C6orf89: variants seen among roughly 807,000 people sequenced by gnomAD.
C6orf89 encodes the protein bombesin receptor-activated protein C6orf89.
A neutral mutation model predicts 40.7 loss-of-function variants in C6orf89; 29 were observed. The observed-to-expected ratio is 0.71, with a 90% confidence interval of 0.53 to 0.97. The LOEUF is 0.97. Among genes scored for constraint, C6orf89 ranks in the 50% least tolerant of loss-of-function variants. The probability of loss-of-function intolerance (pLI) is 0.00; values close to 1 mark genes in which losing one functional copy is unlikely to be tolerated. For missense variants in C6orf89, 392 were observed against 429.1 expected (o/e 0.91, Z 0.76); for synonymous variants, 165 against 152.2 (o/e 1.08, Z -0.62).
At position 36,911,215 on chromosome 6, in the gene C6orf89, C is replaced by T. The variant is rs148419536; in HGVS notation, c.404-3069C>T. On this transcript the variant is annotated intron_variant, in intron 4 of 8. Transcript: ENST00000480824. ...ATTAAATAAGTTAGGCTGGGCTGGGCGCAGTGGCTCACGCCTGTAATCCCA... is the reference window on the plus strand; with the variant it reads ...ATTAAATAAGTTAGGCTGGGCTGGGTGCAGTGGCTCACGCCTGTAATCCCA... 1.5e-3 allele frequency among the ~76,000 whole-genome samples: 228 copies of T among 152,300 alleles called. 1 individual carries two copies. Among genetic ancestry groups the T allele is most frequent in the African/African-American group, 5.2e-3 (216 of 41,568 alleles).
At chr6:36,916,209 A>G (rs544478268) in intron 6 of C6orf89, among the ~76,000 whole-genome samples, 5 of 152,162 alleles carry the variant, frequency 3.3e-5, no homozygotes, top group Admixed American at 1.3e-4. Flanking sequence ...CAATTTAGAA[A>G]CACTCCACCC....
Position 36,885,974 on chromosome 6 carries a change from C to T in C6orf89, c.-174C>T. 7.9e-7 allele frequency: 1 copy of T among 1,264,796 alleles called. No individual in the cohort carries two copies. Among genetic ancestry groups the T allele is most frequent in the East Asian group, 3.2e-5 (1 of 31,590 alleles). 78.3% of individuals were successfully genotyped at this position (1,264,796 alleles called of 1,614,324 possible). ...AACAGGAAGTTGCCCATCCTCCTCG[C>T]CCGGCGGCAGCTGTCCCCGAGGCGG... is the stretch of plus-strand genomic sequence containing the variant. On this transcript the variant is annotated 5_prime_UTR_variant, in exon 1 of 9. Transcript: ENST00000480824.
At position 36,914,538 on chromosome 6, in the gene C6orf89, T is replaced by C; in HGVS notation, c.556-16T>C. ...GTAACTCTGTGTTGTTTTGTTTTGT[T>C]TCCTGCCTTGCCAAGACGGGAAAGC... On this transcript the variant is annotated splice_polypyrimidine_tract_variant and intron_variant, in intron 5 of 8. Transcript: ENST00000480824. The C allele has an allele frequency of 6.2e-7, 1 of 1,613,780 alleles. No homozygotes were observed. The highest frequency in any genetic ancestry group is 8.5e-7 in the Non-Finnish European group (1 of 1,179,640).
rs1220578196 is a variant in C6orf89 at position 36,871,969 on chromosome 6, T to C, written c.-628+2T>C. On this transcript the variant is annotated splice_donor_variant, in intron 1 of 9. Coordinates refer to the C6orf89 transcript ENST00000359359. LOFTEE classifies it low-confidence loss of function (5UTR_SPLICE). Reference sequence around the variant, plus strand: ...CCAGGACTCTTGATTTTCAAGCTTGTAAGTCATGAAATTGTGATAACCACT... The same window carrying C: ...CCAGGACTCTTGATTTTCAAGCTTGCAAGTCATGAAATTGTGATAACCACT... 3 of 1,160,650 alleles carry C rather than the reference T, an allele frequency of 2.6e-6. No individual in the cohort carries two copies. The highest frequency in any genetic ancestry group is 3.4e-6 in the Non-Finnish European group (3 of 872,684). 71.9% of individuals were successfully genotyped at this position (1,160,650 alleles called of 1,614,324 possible).
intron 8 of C6orf89, 89 bp from the exon 9 acceptor site, chr6:36,923,258 C>T (rs1452931355): frequency 4.6e-6 from 4 of 866,272 alleles, no homozygotes; most frequent in Admixed American, 2.2e-5. Flanking sequence ...ACCCTGAGGG[C>T]CAGCTCTGGC....
At chr6:36,913,870 A>G (rs1344056996) in intron 4 of C6orf89, among the ~76,000 whole-genome samples, 1 of 152,188 alleles carries the variant, frequency 6.6e-6, no homozygotes, top group African/African-American at 2.4e-5. Flanking sequence ...GTTTTTAAAA[A>G]TTATTATGGG....
At chr6:36,888,502 C>T (rs1045835481) in intron 1 of C6orf89, among the ~76,000 whole-genome samples, 17 of 152,188 alleles carry the variant, frequency 1.1e-4, no homozygotes, top group African/African-American at 3.6e-4. Flanking sequence ...AGTGTGGTGG[C>T]GCGTGCCTGT....
At chr6:36,906,636 G>A (rs1761937130) in intron 4 of C6orf89, among the ~76,000 whole-genome samples, 1 of 152,234 alleles carries the variant, frequency 6.6e-6, no homozygotes, top group Non-Finnish European at 1.5e-5. Context: ...AGGCAAGGCT[G>A]TTGGTGAAAT....
At chr6:36,904,511 CAT>C (rs1392455515) in intron 4 of C6orf89, among the ~76,000 whole-genome samples, 1 of 152,088 alleles carries the variant, frequency 6.6e-6, no homozygotes, top group African/African-American at 2.4e-5. Flanking sequence ...AAGCTGTAGA[CAT>C]GTGAAACTAA....
chr6:36,919,014 A>G (rs1030376454), intron 7 of C6orf89, among the ~76,000 whole-genome samples: 6 of 152,170 alleles, frequency 3.9e-5, no homozygotes, highest in African/African-American at 1.4e-4. Flanking sequence ...GGCAGTGTAA[A>G]CTTAAACTTG....
At chr6:36,879,346 T>A (rs1038872022) in intron 2 of C6orf89, among the ~76,000 whole-genome samples, 1 of 152,210 alleles carries the variant, frequency 6.6e-6, no homozygotes. Flanking sequence ...ACATGTATTT[T>A]GCTCTGGCCG....
intron 1 of C6orf89, chr6:36,874,603 C>A: frequency 7.2e-7 from 1 of 1,390,160 alleles, no homozygotes; most frequent in Non-Finnish European, 1.0e-6. Flanking sequence ...CGCTGCTCCA[C>A]GCCCCTCCAC....
chr6:36,885,948 A>G, upstream of C6orf89: 1 of 1,253,216 alleles, frequency 8.0e-7, no homozygotes, highest in Non-Finnish European at 1.0e-6. Context: ...GCGCTCCCGG[A>G]AACAGGAAGT....
At chr6:36,916,265 C>T (rs921641705) in intron 6 of C6orf89, among the ~76,000 whole-genome samples, 180 bp from the exon 7 acceptor site, 2 of 152,154 alleles carry the variant, frequency 1.3e-5, no homozygotes, top group African/African-American at 2.4e-5. Flanking sequence ...TGTGTGTACA[C>T]ATTATAGTTC....
At chr6:36,902,616 C>T (rs964197486) in intron 4 of C6orf89, among the ~76,000 whole-genome samples, 182 bp downstream of exon 4, 1 of 152,068 alleles carries the variant, frequency 6.6e-6, no homozygotes, top group Non-Finnish European at 1.5e-5. Context: ...ATTAAGAAAC[C>T]AAGGGTCAGA....
rs147237659 is a variant in C6orf89, at chr6:36,916,455, C to G, written c.706C>G (p.Leu236Val). 9 of 1,614,174 alleles carry G rather than the reference C, an allele frequency of 5.6e-6. No individual in the cohort carries two copies. The highest frequency in any genetic ancestry group is 6.8e-6 in the Non-Finnish European group (8 of 1,180,030). ...TTCATACTTCTACAGGAGGAGACCTCTGAACAGATCACAAATGTTACGTGA... is the reference window on the plus strand; with the variant it reads ...TTCATACTTCTACAGGAGGAGACCTGTGAACAGATCACAAATGTTACGTGA... ...FPFPYPWRRP[L>V]NRSQMLRELF... Residue 236 changes from leucine to valine, a missense_variant, in exon 7 of 9, where the codon CTG becomes GTG. Physicochemically the swap from Leu to Val is conservative, Grantham distance 32. Coordinates refer to ENST00000480824, the MANE Select transcript of C6orf89 (RefSeq NM_001286635.2).
intron 1 of C6orf89, among the ~76,000 whole-genome samples, chr6:36,894,023 CAAA>C (rs779616350): frequency 6.6e-5 from 4 of 60,628 alleles, no homozygotes; most frequent in East Asian, 5.6e-4. Context: ...GACTCTGTCT[CAAA>C]AAAAAAAAAA....
chr6:36,915,705 C>CA (rs1374837732), intron 6 of C6orf89, among the ~76,000 whole-genome samples: 1,889 of 119,632 alleles, frequency 0.016, 22 homozygotes, highest in African/African-American at 0.033. Flanking sequence ...GACCCTGTTT[C>CA]AAAAAAAAAA....
At chr6:36,876,917 T>C (rs1006676247) in intron 1 of C6orf89, among the ~76,000 whole-genome samples, 1 of 152,116 alleles carries the variant, frequency 6.6e-6, no homozygotes, top group Non-Finnish European at 1.5e-5. Context: ...ATAAAATGTC[T>C]CCAATTCCTC....
Sources: gnomAD v4.1 joint callset for allele counts (sites outside exome capture counted in the v4.1 genomes callset) on GRCh38, gnomAD v4.1.1 for gene constraint, MANE v1.5 for transcripts, NCBI Gene and HGNC (gene_info 2026-07-23, HGNC 2026-07-21) for gene names.